Variants in GRID2 observed in about 807,000 individuals in gnomAD.
The protein encoded by GRID2 is glutamate receptor ionotropic, delta-2.
Under a neutral mutation model 114.8 loss-of-function variants are expected in GRID2, and 33 were observed. That is an observed-to-expected ratio of 0.29 (90% CI 0.22 to 0.38). The LOEUF (loss-of-function observed/expected upper bound fraction) is 0.38, where lower values mean the gene tolerates loss of function less well. Among genes scored for constraint, GRID2 ranks in the 10% least tolerant of loss-of-function variants. The probability of loss-of-function intolerance (pLI) is 1.00; values close to 1 mark genes in which losing one functional copy is unlikely to be tolerated. For synonymous variants in GRID2, 505 were observed against 449.9 expected (o/e 1.12, Z -1.55); for missense variants, 1,184 against 1,257.7 (o/e 0.94, Z 0.89).
intron 13 of GRID2, among the ~76,000 whole-genome samples, chr4:93,516,699 T>G (rs893219457): frequency 2.6e-5 from 4 of 152,132 alleles, no homozygotes; most frequent in African/African-American, 4.8e-5. Context: ...CATGTATTTT[T>G]GGGGAAGGGA....
intron 1 of GRID2, among the ~76,000 whole-genome samples, chr4:92,451,996 T>C (rs899506804): frequency 2.0e-5 from 3 of 152,226 alleles, no homozygotes; most frequent in African/African-American, 7.2e-5. Context: ...TGTGAGACTC[T>C]GCTGGCATTG....
At chr4:93,122,589 C>T (rs1733881199) in intron 4 of GRID2, among the ~76,000 whole-genome samples, 2 of 152,036 alleles carry the variant, frequency 1.3e-5, no homozygotes, top group African/African-American at 4.8e-5. Context: ...AAAGTTGTAA[C>T]TCTTTCCATG....
In GRID2 at chr4:93,792,553, C is replaced by T. The variant is rs180891257; in HGVS notation, c.222-14162C>T. ...TTGGCCTAACTCAGTTTTGCTTCTCCTTCACCTTTGGCTGACCCAGAACAA... is the reference window on the plus strand; with the variant it reads ...TTGGCCTAACTCAGTTTTGCTTCTCTTTCACCTTTGGCTGACCCAGAACAA... On this transcript the variant is annotated intron_variant, in intron 1 of 1. Transcript: ENST00000637838. Among the ~76,000 whole-genome samples the T allele has an allele frequency of 2.0e-3, 299 of 152,310 alleles. 2 individuals are homozygous for T. Among genetic ancestry groups the T allele is most frequent in the Middle Eastern group, 6.8e-3 (2 of 294 alleles).
chr4:92,565,520 A>G (rs1367271884), intron 1 of GRID2, among the ~76,000 whole-genome samples: 1 of 152,030 alleles, frequency 6.6e-6, no homozygotes, highest in African/African-American at 2.4e-5. Context: ...TCTTGATTAT[A>G]ACATTTAAGC....
At chr4:92,732,624 G>T (rs892829537) in intron 2 of GRID2, among the ~76,000 whole-genome samples, 1 of 151,950 alleles carries the variant, frequency 6.6e-6, no homozygotes, top group African/African-American at 2.4e-5. Flanking sequence ...AGTTACATAT[G>T]ACTGCTCAGT....
chr4:92,722,151 A>AG (rs1363170293), intron 2 of GRID2, among the ~76,000 whole-genome samples: 2 of 152,164 alleles, frequency 1.3e-5, no homozygotes, highest in Non-Finnish European at 2.9e-5. Context: ...GAGACATCAG[A>AG]GGGGGACTGG....
intron 2 of GRID2, among the ~76,000 whole-genome samples, chr4:92,637,910 G>A (rs1731150230): frequency 6.6e-6 from 1 of 151,882 alleles, no homozygotes; most frequent in Non-Finnish European, 1.5e-5. Flanking sequence ...TTCCAGCTAG[G>A]GTAATGTGGG....
Position 93,395,685 on chromosome 4 carries a change from G to C in GRID2, c.1324G>C (p.Val442Leu), listed in dbSNP as rs749047247. Residue 442 changes from valine (V) to leucine (L), a missense_variant, in exon 9 of 16, where the codon GTT (valine) becomes CTT (leucine). Transcript: ENST00000282020. ...KKLENNMRGV[V>L]LRVVTVLEEP... ...ATTGGAGAATAACATGCGTGGAGTG[G>C]TTCTACGTGTAGTAACTGTTCTGGT... is the stretch of plus-strand genomic sequence containing the variant. 3 of 1,539,904 alleles carry C rather than the reference G, an allele frequency of 1.9e-6. No individual in the cohort carries two copies. Among genetic ancestry groups the C allele is most frequent in the Non-Finnish European group, 2.7e-6 (3 of 1,113,252 alleles).
chr4:93,663,399 T>C (rs78006389), intron 14 of GRID2, among the ~76,000 whole-genome samples: 2,566 of 152,294 alleles, frequency 0.017, 81 homozygotes, highest in African/African-American at 0.059. Flanking sequence ...CAGGCTCAAC[T>C]ATAACAATGC....
chr4:92,551,619 T>C (rs960855011), intron 1 of GRID2, among the ~76,000 whole-genome samples: 2 of 152,176 alleles, frequency 1.3e-5, no homozygotes, highest in African/African-American at 4.8e-5. Flanking sequence ...GTGCATTCAA[T>C]GTACAAGCAT....
chr4:93,167,737 T>TAA (rs2149417245), intron 4 of GRID2, among the ~76,000 whole-genome samples: 1 of 152,224 alleles, frequency 6.6e-6, no homozygotes, highest in East Asian at 1.9e-4. Flanking sequence ...ATTTGAACAT[T>TAA]AACTGAAAAC....
intron 4 of GRID2, among the ~76,000 whole-genome samples, chr4:93,140,244 C>T (rs555925661): frequency 1.9e-4 from 29 of 149,026 alleles, no homozygotes; most frequent in East Asian, 4.0e-4. Flanking sequence ...CTGCAAGCTA[C>T]GCCTCCCGGG....
intron 1 of GRID2, among the ~76,000 whole-genome samples, chr4:92,417,724 T>C (rs1303256270): frequency 2.0e-5 from 3 of 152,184 alleles, no homozygotes; most frequent in Non-Finnish European, 4.4e-5. Context: ...GTTATTGATA[T>C]GGTTTGGCTC....
chr4:92,495,082 G>T (rs1253202596), intron 1 of GRID2, among the ~76,000 whole-genome samples: 1 of 151,962 alleles, frequency 6.6e-6, no homozygotes, highest in African/African-American at 2.4e-5. Context: ...GTAGAGAAAT[G>T]AAAGCATTCA....
chr4:92,645,031 A>C (rs1228422739), intron 2 of GRID2, among the ~76,000 whole-genome samples: 3 of 151,580 alleles, frequency 2.0e-5, no homozygotes, highest in Admixed American at 6.6e-5. Context: ...AGCTTCTAAC[A>C]TAAACATAAT....
chr4:93,577,555 A>T (rs987628875), intron 13 of GRID2, among the ~76,000 whole-genome samples: 1 of 152,164 alleles, frequency 6.6e-6, no homozygotes. Flanking sequence ...ATGTTTGCCA[A>T]TTTTTTGGAG....
intron 8 of GRID2, among the ~76,000 whole-genome samples, chr4:93,277,302 C>A (rs954599759): frequency 6.6e-6 from 1 of 151,786 alleles, no homozygotes; most frequent in African/African-American, 2.4e-5. Context: ...TAAGCAGGGA[C>A]CTGACACTGG....
At chr4:93,678,248 A>G (rs1324515233) in intron 14 of GRID2, among the ~76,000 whole-genome samples, 6 of 152,152 alleles carry the variant, frequency 3.9e-5, no homozygotes, top group Non-Finnish European at 5.9e-5. Flanking sequence ...AAAGAAATGA[A>G]CAAAGCCTCC....
intron 2 of GRID2, among the ~76,000 whole-genome samples, chr4:93,081,082 T>C (rs1029587213): frequency 1.3e-5 from 2 of 151,724 alleles, no homozygotes; most frequent in African/African-American, 4.8e-5. Context: ...GGGGATCGAG[T>C]TTTCAATATT....
Sources: gnomAD v4.1 joint callset for allele counts (sites outside exome capture counted in the v4.1 genomes callset) on GRCh38, gnomAD v4.1.1 for gene constraint, MANE v1.5 for transcripts, NCBI Gene and HGNC (gene_info 2026-07-23, HGNC 2026-07-21) for gene names.